PPP2R5E: variants seen among roughly 807,000 people sequenced by gnomAD.
The protein encoded by PPP2R5E is serine/threonine-protein phosphatase 2A 56 kDa regulatory subunit epsilon isoform.
PPP2R5E carries 4 observed loss-of-function variants against 65.3 expected under a neutral mutation model. The observed-to-expected ratio is 0.06, with a 90% CI of 0.03 to 0.14. The LOEUF (loss-of-function observed/expected upper bound fraction) is 0.14. Ranked by LOEUF, PPP2R5E falls within the 10% of genes least tolerant of loss-of-function variation. The pLI, the probability that PPP2R5E is intolerant of heterozygous loss-of-function variation, is 1.00. For synonymous variants in PPP2R5E, 183 were observed against 187.4 expected (o/e 0.98, Z 0.19); for missense variants, 274 against 556.1 (o/e 0.49, Z 5.10).
At chr14:63,407,731 T>C (rs938217001) in intron 5 of PPP2R5E, among the ~76,000 whole-genome samples, 4 of 152,176 alleles carry the variant, frequency 2.6e-5, no homozygotes, top group African/African-American at 4.8e-5. Context: ...TAATCTCCAA[T>C]GAAACAGTGT....
chr14:63,418,379 T>C (rs1886815022), intron 4 of PPP2R5E, among the ~76,000 whole-genome samples: 1 of 152,252 alleles, frequency 6.6e-6, no homozygotes, highest in Non-Finnish European at 1.5e-5. Context: ...AAAGCAGTTA[T>C]GGTCTAAAAT....
intron 2 of PPP2R5E, among the ~76,000 whole-genome samples, chr14:63,477,524 G>A (rs1486847727): frequency 2.0e-5 from 3 of 151,188 alleles, no homozygotes; most frequent in Admixed American, 1.3e-4. Flanking sequence ...GAGGGGAGAA[G>A]AGAAAAAAAG....
intron 2 of PPP2R5E, among the ~76,000 whole-genome samples, chr14:63,478,435 T>C (rs1440783117): frequency 6.6e-6 from 1 of 152,166 alleles, no homozygotes; most frequent in Non-Finnish European, 1.5e-5. Context: ...AAACCACATT[T>C]TCCTCAAAAA....
chr14:63,530,630 C>CTTTTTTTTTTT (rs954359159), intron 2 of PPP2R5E, among the ~76,000 whole-genome samples: 1 of 81,294 alleles, frequency 1.2e-5, no homozygotes, highest in Non-Finnish European at 2.3e-5. Flanking sequence ...CTCTCAATTT[C>CTTTTTTTTTTT]TTTTTTTTTT....
At chr14:63,443,216 A>T (rs2139438844) in intron 3 of PPP2R5E, among the ~76,000 whole-genome samples, 1 of 152,356 alleles carries the variant, frequency 6.6e-6, no homozygotes, top group Non-Finnish European at 1.5e-5. Flanking sequence ...GAACTCAAAG[A>T]AAGACCTCAA....
intron 2 of PPP2R5E, among the ~76,000 whole-genome samples, chr14:63,487,690 C>A (rs900272081): frequency 5.9e-5 from 9 of 152,096 alleles, no homozygotes; most frequent in Non-Finnish European, 1.5e-5. Flanking sequence ...ATCTTTAAAC[C>A]CAGTAATAAT....
intron 6 of PPP2R5E, 151 bp downstream of exon 6, chr14:63,396,435 G>A: frequency 1.0e-6 from 1 of 961,512 alleles, no homozygotes; most frequent in Non-Finnish European, 1.5e-6. Flanking sequence ...GGGGGTAGAG[G>A]AAGAGGCAGG....
At chr14:63,537,422 A>G (rs984269727) in intron 2 of PPP2R5E, among the ~76,000 whole-genome samples, 23 of 152,166 alleles carry the variant, frequency 1.5e-4, no homozygotes, top group African/African-American at 5.3e-4. Context: ...CATAATGACT[A>G]TTTTCATTTT....
rs564465684 is a variant in PPP2R5E at position 63,447,690 on chromosome 14, G to A, written c.354+5999C>T. Among the ~76,000 whole-genome samples the A allele has an allele frequency of 3.4e-4, 52 of 152,186 alleles. 1 individual carries two copies. Among genetic ancestry groups the A allele is most frequent in the Non-Finnish European group, 4.6e-4 (31 of 68,040 alleles). ...CTTTAAATTCACAACTTGTCTAATT[G>A]TCTGATGCAAGAGGCCTAGCTTTTG... On this transcript the variant is annotated intron_variant, in intron 3 of 13. Coordinates refer to ENST00000337537, the MANE Select transcript of PPP2R5E (RefSeq NM_006246.5).
chr14:63,522,903 G>A (rs1480782352), intron 2 of PPP2R5E, among the ~76,000 whole-genome samples: 2 of 148,056 alleles, frequency 1.4e-5, no homozygotes, highest in Non-Finnish European at 3.0e-5. Context: ...CGTCCGGGAG[G>A]GAGGTCGGGG....
intron 3 of PPP2R5E, among the ~76,000 whole-genome samples, chr14:63,428,720 A>G (rs57052558): frequency 3.3e-5 from 5 of 152,230 alleles, no homozygotes; most frequent in African/African-American, 1.2e-4. Flanking sequence ...TCATGACCTC[A>G]TAAACAAAAG....
chr14:63,468,198 C>T (rs1162234056), intron 2 of PPP2R5E, among the ~76,000 whole-genome samples: 4 of 152,186 alleles, frequency 2.6e-5, no homozygotes, highest in Non-Finnish European at 4.4e-5. Flanking sequence ...GCGTTTAAGA[C>T]ACAGAATGTT....
intron 2 of PPP2R5E, among the ~76,000 whole-genome samples, chr14:63,461,792 C>A (rs886727001): frequency 6.6e-5 from 10 of 151,784 alleles, no homozygotes; most frequent in African/African-American, 2.4e-4. Context: ...GAGACCTTGT[C>A]TCAAAAAGAT....
chr14:63,504,217 T>C (rs1199328873), intron 2 of PPP2R5E, among the ~76,000 whole-genome samples: 1 of 152,054 alleles, frequency 6.6e-6, no homozygotes, highest in East Asian at 1.9e-4. Context: ...ACCTCTCACA[T>C]TTTCTTGGCA....
At chr14:63,483,265 C>G (rs1025350795) in intron 2 of PPP2R5E, among the ~76,000 whole-genome samples, 1 of 152,018 alleles carries the variant, frequency 6.6e-6, no homozygotes, top group African/African-American at 2.4e-5. Context: ...CAGTTTTAAA[C>G]AGAATGCACT....
At chr14:63,440,331 G>T (rs1177222261) in intron 3 of PPP2R5E, among the ~76,000 whole-genome samples, 1 of 151,366 alleles carries the variant, frequency 6.6e-6, no homozygotes, top group African/African-American at 2.4e-5. Context: ...AACAATTCAA[G>T]AATAACACAA....
At chr14:63,478,889 G>C (rs1437993144) in intron 2 of PPP2R5E, among the ~76,000 whole-genome samples, 1 of 152,264 alleles carries the variant, frequency 6.6e-6, no homozygotes, top group African/African-American at 2.4e-5. Flanking sequence ...TTGGGAGCCT[G>C]AGGCAGGCAG....
chr14:63,425,019 G>A (rs982049314), intron 3 of PPP2R5E, among the ~76,000 whole-genome samples: 1 of 152,172 alleles, frequency 6.6e-6, no homozygotes, highest in Non-Finnish European at 1.5e-5. Flanking sequence ...ATTTACCATT[G>A]AGGAAATAGA....
At chr14:63,448,417 T>C (rs891558289) in intron 3 of PPP2R5E, among the ~76,000 whole-genome samples, 4 of 152,222 alleles carry the variant, frequency 2.6e-5, no homozygotes, top group Non-Finnish European at 4.4e-5. Context: ...ATTATCAATA[T>C]GTGACACAAA....
Sources: gnomAD v4.1 joint callset for allele counts (sites outside exome capture counted in the v4.1 genomes callset) on GRCh38, gnomAD v4.1.1 for gene constraint, MANE v1.5 for transcripts, NCBI Gene and HGNC (gene_info 2026-07-23, HGNC 2026-07-21) for gene names.